Variants in TNS3 observed in about 807,000 individuals in gnomAD.
TNS3 encodes tensin-3.
Under a neutral mutation model 140.9 loss-of-function variants are expected in TNS3, and 45 were observed. The ratio of observed to expected loss-of-function variants is 0.32; its 90% CI spans 0.25 to 0.41. The LOEUF (loss-of-function observed/expected upper bound fraction) is 0.41. TNS3 is among the 10% of genes least tolerant of loss of function. The pLI is 1.00. For synonymous variants in TNS3, 815 were observed against 788.4 expected, an observed-to-expected ratio of 1.03 and a Z score of -0.56; for missense variants, 1,716 against 1,906.7, an observed-to-expected ratio of 0.90 and a Z score of 1.86.
At chr7:47,351,884 T>C (rs1432817630) in intron 17 of TNS3, among the ~76,000 whole-genome samples, 1 of 151,996 alleles carries the variant, frequency 6.6e-6, no homozygotes, top group East Asian at 1.9e-4. Flanking sequence ...CCCGCACCTC[T>C]CTCACAGGAA....
intron 2 of TNS3, among the ~76,000 whole-genome samples, chr7:47,519,647 C>T (rs1798896825): frequency 6.6e-6 from 1 of 152,108 alleles, no homozygotes; most frequent in South Asian, 2.1e-4. Context: ...CAGCACCTAA[C>T]ACAGTAGGCA....
chr7:47,290,473 A>G (rs1785635760), intron 27 of TNS3, among the ~76,000 whole-genome samples: 1 of 152,234 alleles, frequency 6.6e-6, no homozygotes, highest in African/African-American at 2.4e-5. Flanking sequence ...TAGTGTCTAA[A>G]ATACACCAAG....
chr7:47,488,650 C>G (rs1797698244), intron 3 of TNS3, among the ~76,000 whole-genome samples: 1 of 152,194 alleles, frequency 6.6e-6, no homozygotes, highest in Non-Finnish European at 1.5e-5. Context: ...ACTCTGGGGT[C>G]CTGGGGATTT....
rs1312887475 is a variant in TNS3 at position 47,389,064 on chromosome 7, A to T, written c.1024+7736T>A. ...GAAGAAGAAGAAGAAGAAGAAGAAG[A>T]AGAAGAAGAAGAAGAAGAAGAGGAA... is the stretch of plus-strand genomic sequence containing the variant. On this transcript the variant is annotated intron_variant, in intron 16 of 30. Transcript: ENST00000311160. Among the ~76,000 whole-genome samples the T allele has an allele frequency of 1.0e-4, 6 of 57,648 alleles. 1 individual carries two copies. The highest frequency in any genetic ancestry group is 7.7e-4 in the East Asian group (1 of 1,296). 37.8% of individuals were successfully genotyped at this position (57,648 alleles called of 152,430 possible). A position where few individuals can be genotyped will look rare whatever the true frequency, so the allele number is the denominator to read the frequency against.
Position 47,423,659 on chromosome 7 carries a change from G to T in TNS3, c.473+442C>A, listed in dbSNP as rs141302424. Among the ~76,000 whole-genome samples, 109 of 152,290 alleles carry T rather than the reference G, an allele frequency of 7.2e-4. No individual in the cohort carries two copies. In the Middle Eastern group the frequency reaches 0.014, roughly 19 times the overall value. On this transcript the variant is annotated intron_variant, in intron 10 of 30. Transcript: ENST00000311160. Reference sequence around the variant, plus strand: ...AGCCACATTCCCTGATTTCCATATTGCCCAGGGCTGCTTTCATGTTAGAAC... The same window carrying T: ...AGCCACATTCCCTGATTTCCATATTTCCCAGGGCTGCTTTCATGTTAGAAC...
At chr7:47,421,915 C>A (rs981564535) in intron 10 of TNS3, among the ~76,000 whole-genome samples, 2 of 152,186 alleles carry the variant, frequency 1.3e-5, no homozygotes, top group East Asian at 3.9e-4. Flanking sequence ...GTGATTATTA[C>A]GAGTTTGACT....
chr7:47,451,480 C>T (rs1035145553), intron 4 of TNS3, among the ~76,000 whole-genome samples: 2 of 152,080 alleles, frequency 1.3e-5, no homozygotes, highest in Non-Finnish European at 2.9e-5. Context: ...ACTCCAGAGG[C>T]TAAGGCAGGA....
At chr7:47,515,238 C>G (rs930031816) in intron 2 of TNS3, among the ~76,000 whole-genome samples, 1 of 152,170 alleles carries the variant, frequency 6.6e-6, no homozygotes, top group Non-Finnish European at 1.5e-5. Flanking sequence ...AGTCAGGGAC[C>G]TGAAAGTCCA....
chr7:47,511,636 C>G (rs1304182018), intron 2 of TNS3, among the ~76,000 whole-genome samples: 6 of 151,846 alleles, frequency 4.0e-5, no homozygotes, highest in African/African-American at 1.4e-4. Flanking sequence ...ATTCTCCTTG[C>G]CTGAGGCTCT....
intron 3 of TNS3, among the ~76,000 whole-genome samples, chr7:47,497,597 T>G (rs747599183): frequency 6.6e-6 from 1 of 151,752 alleles, no homozygotes; most frequent in Non-Finnish European, 1.5e-5. Flanking sequence ...TTTGTACTTC[T>G]GTTCTCCCAA....
intron 20 of TNS3, among the ~76,000 whole-genome samples, chr7:47,327,437 C>T (rs1788085865): frequency 6.6e-6 from 1 of 152,216 alleles, no homozygotes. Context: ...GAAGTGCAGC[C>T]TTCTGGTCCT....
At chr7:47,376,716 T>C (rs968077223) in intron 16 of TNS3, among the ~76,000 whole-genome samples, 6 of 61,152 alleles carry the variant, frequency 9.8e-5, no homozygotes, top group Non-Finnish European at 2.7e-4. Flanking sequence ...AGATCAACTA[T>C]CTAGATCAAG....
At chr7:47,507,062 C>T in intron 2 of TNS3, 118 bp from the exon 3 acceptor site, 1 of 786,482 alleles carries the variant, frequency 1.3e-6, no homozygotes, top group Non-Finnish European at 1.8e-6. Context: ...CATAGGTGGC[C>T]TCTCTCTGGC....
intron 1 of TNS3, among the ~76,000 whole-genome samples, chr7:47,559,136 G>A (rs185513331): frequency 1.3e-5 from 2 of 152,346 alleles, no homozygotes; most frequent in Admixed American, 1.3e-4. Context: ...CGGATCATGA[G>A]ATCAGGAATT....
chr7:47,396,201 C>T (rs1336159994), intron 16 of TNS3, among the ~76,000 whole-genome samples: 1 of 152,210 alleles, frequency 6.6e-6, no homozygotes, highest in Admixed American at 6.5e-5. Context: ...CCAGTTGTGT[C>T]TTGTGGAGAT....
intron 3 of TNS3, among the ~76,000 whole-genome samples, chr7:47,497,168 A>G (rs1178752081): frequency 6.6e-6 from 1 of 152,222 alleles, no homozygotes; most frequent in Non-Finnish European, 1.5e-5. Flanking sequence ...CTTGTCATTT[A>G]ACAGTTAATA....
intron 27 of TNS3, among the ~76,000 whole-genome samples, chr7:47,287,094 A>G (rs892061359): frequency 4.4e-5 from 6 of 135,004 alleles, no homozygotes; most frequent in African/African-American, 1.3e-4. Flanking sequence ...TAAAGAACAT[A>G]TAAGACTCTA....
intron 2 of TNS3, among the ~76,000 whole-genome samples, chr7:47,513,920 G>T (rs1480981903): frequency 1.3e-5 from 2 of 152,246 alleles, no homozygotes; most frequent in East Asian, 1.9e-4. Flanking sequence ...CGCTGCAGCA[G>T]TTACAGCCCA....
intron 1 of TNS3, among the ~76,000 whole-genome samples, chr7:47,536,352 G>A (rs1296259499): frequency 8.9e-6 from 1 of 112,060 alleles, no homozygotes; most frequent in African/African-American, 3.3e-5. Flanking sequence ...TTAGGGAAAG[G>A]GAGGCTGAAC....
Sources: gnomAD v4.1 joint callset for allele counts (sites outside exome capture counted in the v4.1 genomes callset) on GRCh38, gnomAD v4.1.1 for gene constraint, MANE v1.5 for transcripts, NCBI Gene and HGNC (gene_info 2026-07-23, HGNC 2026-07-21) for gene names.